Variants in LRRC4C observed in about 807,000 individuals in gnomAD.
LRRC4C encodes leucine-rich repeat-containing protein 4C.
In LRRC4C, 5 loss-of-function variants were observed where a neutral mutation model predicts 33.6. The ratio of observed to expected loss-of-function variants is 0.15; its 90% CI spans 0.08 to 0.31. The LOEUF is 0.31. Ranked by LOEUF, LRRC4C falls within the 10% of genes least tolerant of loss-of-function variation. The pLI, the probability that LRRC4C is intolerant of heterozygous loss-of-function variation, is 1.00. For synonymous variants in LRRC4C, 329 were observed against 302.0 expected, an observed-to-expected ratio of 1.09 and a Z score of -0.93; for missense variants, 560 against 796.7, an observed-to-expected ratio of 0.70 and a Z score of 3.58.
intron 1 of LRRC4C, among the ~76,000 whole-genome samples, chr11:41,280,940 G>A (rs1041463452): frequency 2.6e-5 from 4 of 151,810 alleles, no homozygotes; most frequent in African/African-American, 7.3e-5. Context: ...GTACACTCTC[G>A]TCACCAAGAT....
intron 1 of LRRC4C, among the ~76,000 whole-genome samples, chr11:41,326,121 C>T (rs1401924459): frequency 6.6e-6 from 1 of 151,352 alleles, no homozygotes; most frequent in African/African-American, 2.5e-5. Context: ...CCACCTCAAT[C>T]TTGGTGGGCG....
At chr11:41,034,456 AC>A (rs1488351361) in intron 1 of LRRC4C, among the ~76,000 whole-genome samples, 1,329 of 124,428 alleles carry the variant, frequency 0.011, 20 homozygotes, top group African/African-American at 0.036. Context: ...ACACACACAC[AC>A]CATATATATA....
rs764486355 is a variant in LRRC4C at position 40,952,880 on chromosome 11, ACACACACACACACACACTCT to A, written c.-495-19177_-495-19158del. Among the ~76,000 whole-genome samples, 88 of 110,954 alleles carry A rather than the reference ACACACACACACACACACTCT, an allele frequency of 7.9e-4. 1 individual carries two copies. The East Asian group carries it at 0.014, about 18-fold the overall frequency. The allele number at this position is 110,954 out of a possible 152,430, so 72.8% of individuals were successfully genotyped here. A position where few individuals can be genotyped will look rare whatever the true frequency, so the allele number is the denominator to read the frequency against. On this transcript the variant is annotated intron_variant, in intron 1 of 6. Coordinates refer to ENST00000528697, the MANE Select transcript of LRRC4C (RefSeq NM_001258419.2). ...CACACACACACACACACACACACAC[ACACACACACACACACACTCT>A]CTCTCTCTCTCTCTCTCTCTCTCTT... is the stretch of plus-strand genomic sequence containing the variant.
intron 1 of LRRC4C, among the ~76,000 whole-genome samples, chr11:41,095,118 G>A (rs1590551070): frequency 6.6e-6 from 1 of 152,150 alleles, no homozygotes; most frequent in Non-Finnish European, 1.5e-5. Context: ...GTTCTGCATA[G>A]CTGGGAAGGC....
In LRRC4C at chr11:40,255,080, C is replaced by A. The variant is rs1438356633; in HGVS notation, c.-175-13482G>T. On this transcript the variant is annotated intron_variant, in intron 4 of 6. Transcript: ENST00000528697. ...CCTCCCAAAGCTCTGGGATTACAAGCGTGAGTCACCGCACCCGGCCCTAAA... is the reference window on the plus strand; with the variant it reads ...CCTCCCAAAGCTCTGGGATTACAAGAGTGAGTCACCGCACCCGGCCCTAAA... 2.6e-5 allele frequency among the ~76,000 whole-genome samples: 4 copies of A among 152,206 alleles called. No homozygotes were observed. The East Asian group carries it at 7.7e-4, about 29-fold the overall frequency.
At chr11:41,007,352 AAAC>A (rs1425164902) in intron 1 of LRRC4C, among the ~76,000 whole-genome samples, 2 of 150,678 alleles carry the variant, frequency 1.3e-5, no homozygotes, top group Non-Finnish European at 3.0e-5. Context: ...AATGCAAATT[AAAC>A]AACAAAAATG....
intron 1 of LRRC4C, among the ~76,000 whole-genome samples, chr11:41,253,318 C>T (rs1045322095): frequency 2.6e-5 from 4 of 152,038 alleles, no homozygotes; most frequent in African/African-American, 4.8e-5. Context: ...TTATCTTTCC[C>T]ACTAAAAATT....
intron 5 of LRRC4C, among the ~76,000 whole-genome samples, chr11:40,191,256 C>T (rs1383369803): frequency 6.6e-6 from 1 of 152,090 alleles, no homozygotes; most frequent in Non-Finnish European, 1.5e-5. Flanking sequence ...ATAAAAAAGA[C>T]CCAGGTTTGA....
chr11:41,145,818 C>T (rs1008759202), intron 1 of LRRC4C, among the ~76,000 whole-genome samples: 2 of 152,106 alleles, frequency 1.3e-5, no homozygotes, highest in African/African-American at 4.8e-5. Flanking sequence ...CAGAAAATTT[C>T]AGTGACCTAG....
intron 1 of LRRC4C, among the ~76,000 whole-genome samples, chr11:41,252,266 T>C (rs1033789621): frequency 1.1e-4 from 16 of 152,250 alleles, no homozygotes; most frequent in African/African-American, 3.8e-4. Context: ...TAATTGGTAC[T>C]TGACAAAGTT....
chr11:40,201,507 G>C (rs1862748969), intron 5 of LRRC4C, among the ~76,000 whole-genome samples: 1 of 152,090 alleles, frequency 6.6e-6, no homozygotes, highest in Non-Finnish European at 1.5e-5. Flanking sequence ...CTGGAAGAAA[G>C]AGGCTTTCTT....
At chr11:41,180,651 C>T (rs146571251) in intron 1 of LRRC4C, among the ~76,000 whole-genome samples, 3 of 152,202 alleles carry the variant, frequency 2.0e-5, no homozygotes, top group Non-Finnish European at 4.4e-5. Context: ...AAAATGGCCA[C>T]CCAATACTGA....
At chr11:41,357,006 C>A (rs960397560) in intron 1 of LRRC4C, among the ~76,000 whole-genome samples, 1 of 151,958 alleles carries the variant, frequency 6.6e-6, no homozygotes, top group Non-Finnish European at 1.5e-5. Context: ...TGTGAGAGAT[C>A]CTGAATTCAA....
At chr11:40,154,542 C>T (rs1391779238) in intron 5 of LRRC4C, among the ~76,000 whole-genome samples, 1 of 152,050 alleles carries the variant, frequency 6.6e-6, no homozygotes, top group South Asian at 2.1e-4. Flanking sequence ...CAAAAGTGAG[C>T]CAGGGTAGTT....
intron 4 of LRRC4C, among the ~76,000 whole-genome samples, chr11:40,260,564 A>T (rs963328611): frequency 7.2e-5 from 11 of 151,756 alleles, no homozygotes; most frequent in East Asian, 1.9e-4. Context: ...AAAAAAAATT[A>T]AAAAAAATAC....
chr11:41,383,084 C>T (rs1302949674), intron 1 of LRRC4C, among the ~76,000 whole-genome samples: 1 of 152,038 alleles, frequency 6.6e-6, no homozygotes, highest in African/African-American at 2.4e-5. Context: ...CTACAGGACA[C>T]CAAGACAGCT....
At chr11:40,942,878 C>T (rs1958219878) in intron 1 of LRRC4C, among the ~76,000 whole-genome samples, 1 of 152,104 alleles carries the variant, frequency 6.6e-6, no homozygotes, top group African/African-American at 2.4e-5. Context: ...ATGAACAGAG[C>T]CAAGGCATTT....
chr11:40,997,346 C>T (rs1341768329), intron 1 of LRRC4C, among the ~76,000 whole-genome samples: 1 of 152,016 alleles, frequency 6.6e-6, no homozygotes, highest in Non-Finnish European at 1.5e-5. Context: ...ATGAGAGAGG[C>T]ACTTCTGAAG....
intron 2 of LRRC4C, among the ~76,000 whole-genome samples, chr11:40,659,592 C>T (rs142036083): frequency 1.1e-4 from 16 of 152,326 alleles, no homozygotes; most frequent in Middle Eastern, 3.4e-3. Flanking sequence ...GATGTTGAGA[C>T]TACCAGCTAT....
Sources: allele counts gnomAD v4.1 joint callset (sites outside exome capture counted in the v4.1 genomes callset), GRCh38; gene constraint gnomAD v4.1.1; transcripts MANE v1.5; gene names NCBI Gene and HGNC (gene_info 2026-07-23, HGNC 2026-07-21).